The following COBL variants were observed in gnomAD, a reference collection of about 807,000 sequenced individuals.
COBL encodes protein cordon-bleu.
Under a neutral mutation model 98.8 loss-of-function variants are expected in COBL, and 51 were observed. The ratio of observed to expected loss-of-function variants is 0.52; its 90% CI spans 0.41 to 0.65. The LOEUF is 0.65. COBL is among the 30% of genes least tolerant of loss of function. The probability of loss-of-function intolerance (pLI) is 0.00; values close to 1 mark genes in which losing one functional copy is unlikely to be tolerated. For synonymous variants in COBL, 634 were observed against 651.7 expected, an observed-to-expected ratio of 0.97 and a Z score of 0.41; for missense variants, 1,617 against 1,617.5, an observed-to-expected ratio of 1.00 and a Z score of 0.01.
chr7:51,073,489 T>C, intron 7 of COBL: 1 of 517,994 alleles, frequency 1.9e-6, no homozygotes, highest in Non-Finnish European at 3.5e-6. Flanking sequence ...TAACACTGCA[T>C]AGCAAGCGTT....
intron 1 of COBL, among the ~76,000 whole-genome samples, chr7:51,300,319 C>T (rs933698321): frequency 2.6e-5 from 4 of 152,122 alleles, no homozygotes; most frequent in African/African-American, 9.7e-5. Context: ...CACCACCACA[C>T]CTGGCTTATT....
At chr7:51,248,239 G>A (rs11773199) in intron 1 of COBL, among the ~76,000 whole-genome samples, 47,883 of 152,112 alleles carry the variant, frequency 0.31, 9,262 homozygotes, top group Non-Finnish European at 0.43. Context: ...GTTATGAAAC[G>A]ATTCATATCA....
chr7:51,168,046 G>A (rs1787495449), intron 5 of COBL, among the ~76,000 whole-genome samples: 1 of 152,030 alleles, frequency 6.6e-6, no homozygotes, highest in Admixed American at 6.5e-5. Flanking sequence ...GGCAACCAAA[G>A]CAAATATGAA....
intron 7 of COBL, among the ~76,000 whole-genome samples, chr7:51,053,746 C>A (rs1364958866): frequency 1.3e-5 from 2 of 152,248 alleles, no homozygotes; most frequent in South Asian, 2.1e-4. Context: ...CTCGGCCGGG[C>A]CCGGCCAATC....
At chr7:51,199,627 A>G (rs1285990543) in intron 2 of COBL, among the ~76,000 whole-genome samples, 1 of 152,230 alleles carries the variant, frequency 6.6e-6, no homozygotes, top group African/African-American at 2.4e-5. Context: ...ATGAAACAGA[A>G]GCATCAAGAA....
chr7:51,257,017 C>T (rs1465765986), intron 1 of COBL, among the ~76,000 whole-genome samples: 1 of 152,062 alleles, frequency 6.6e-6, no homozygotes, highest in African/African-American at 2.4e-5. Context: ...GAAACTAAAC[C>T]AGTCCAGTGG....
intron 5 of COBL, among the ~76,000 whole-genome samples, chr7:51,156,030 C>T (rs1786094629): frequency 6.6e-6 from 1 of 152,136 alleles, no homozygotes; most frequent in South Asian, 2.1e-4. Flanking sequence ...TTCATAAACA[C>T]CTGTATTTAT....
intron 1 of COBL, among the ~76,000 whole-genome samples, chr7:51,262,562 T>C (rs561359005): frequency 6.6e-6 from 1 of 152,254 alleles, no homozygotes; most frequent in South Asian, 2.1e-4. Flanking sequence ...AAGGATGCAC[T>C]GGGAAGTCAC....
chr7:51,312,129 C>T (rs1421524894), intron 1 of COBL, among the ~76,000 whole-genome samples: 1 of 151,826 alleles, frequency 6.6e-6, no homozygotes, highest in Non-Finnish European at 1.5e-5. Context: ...CAAGACCAGC[C>T]TGGCCAACAT....
chr7:51,293,145 T>A (rs771200736), intron 1 of COBL, among the ~76,000 whole-genome samples: 2 of 152,270 alleles, frequency 1.3e-5, no homozygotes, highest in Non-Finnish European at 2.9e-5. Flanking sequence ...TGTAGTTGTT[T>A]GTTTGCTTTG....
At chr7:51,216,731 G>T (rs1034215260) in intron 2 of COBL, among the ~76,000 whole-genome samples, 7 of 152,046 alleles carry the variant, frequency 4.6e-5, no homozygotes, top group African/African-American at 1.7e-4. Flanking sequence ...TTACTAATGT[G>T]TTTCCTTTGT....
chr7:51,077,007 T>C (rs557722756), intron 7 of COBL, among the ~76,000 whole-genome samples: 73 of 152,318 alleles, frequency 4.8e-4, no homozygotes, highest in Admixed American at 2.5e-3. Flanking sequence ...ACTGCAAATC[T>C]TGTAAATAAA....
chr7:51,290,189 C>G (rs1800758211), intron 1 of COBL, among the ~76,000 whole-genome samples: 1 of 152,174 alleles, frequency 6.6e-6, no homozygotes, highest in Non-Finnish European at 1.5e-5. Context: ...ATGCATACAC[C>G]AATCACAGAG....
At chr7:51,179,284 T>C (rs1477258445) in intron 5 of COBL, among the ~76,000 whole-genome samples, 2 of 152,204 alleles carry the variant, frequency 1.3e-5, no homozygotes, top group Admixed American at 6.5e-5. Context: ...TCACCCAGGC[T>C]GGAGTGCAGT....
At chr7:51,148,523 T>C (rs760156724) in intron 5 of COBL, among the ~76,000 whole-genome samples, 2 of 152,204 alleles carry the variant, frequency 1.3e-5, no homozygotes, top group Non-Finnish European at 1.5e-5. Flanking sequence ...CCATGGATGC[T>C]GTCCATGTCG....
At chr7:51,062,635 A>G (rs1425934230) in intron 7 of COBL, among the ~76,000 whole-genome samples, 1 of 152,186 alleles carries the variant, frequency 6.6e-6, no homozygotes, top group Non-Finnish European at 1.5e-5. Flanking sequence ...GTGTTTCATC[A>G]TTGCATGGAA....
intron 1 of COBL, among the ~76,000 whole-genome samples, chr7:51,275,772 G>A (rs189838129): frequency 2.0e-5 from 3 of 152,324 alleles, no homozygotes; most frequent in Admixed American, 6.5e-5. Context: ...GAAGGCTGGC[G>A]ATTCCACCTT....
chr7:51,083,149 C>T (rs551733695), intron 7 of COBL: 21 of 345,922 alleles, frequency 6.1e-5, no homozygotes, highest in Non-Finnish European at 7.2e-5. Flanking sequence ...GAGGGTAGGG[C>T]GGGGGTGGGG....
At chr7:51,130,477 T>C (rs1259880255) in intron 6 of COBL, among the ~76,000 whole-genome samples, 1 of 152,172 alleles carries the variant, frequency 6.6e-6, no homozygotes, top group Non-Finnish European at 1.5e-5. Context: ...TCTGCAAAGA[T>C]GAGTATTGCA....
Sources: gnomAD v4.1 joint callset for allele counts (sites outside exome capture counted in the v4.1 genomes callset) on GRCh38, gnomAD v4.1.1 for gene constraint, MANE v1.5 for transcripts, NCBI Gene and HGNC (gene_info 2026-07-23, HGNC 2026-07-21) for gene names.